PTPN2: variants seen among roughly 807,000 people sequenced by gnomAD.
PTPN2 encodes protein tyrosine phosphatase non-receptor type 2.
A neutral mutation model predicts 57.3 loss-of-function variants in PTPN2; 19 were observed. The ratio of observed to expected loss-of-function variants is 0.33; its 90% CI spans 0.23 to 0.49. The LOEUF (loss-of-function observed/expected upper bound fraction) is 0.49. Among genes scored for constraint, PTPN2 ranks in the 20% least tolerant of loss-of-function variants. The pLI, the probability that PTPN2 is intolerant of heterozygous loss-of-function variation, is 0.99. For synonymous variants in PTPN2, 153 were observed against 164.9 expected, an observed-to-expected ratio of 0.93 and a Z score of 0.55; for missense variants, 358 against 501.1, an observed-to-expected ratio of 0.71 and a Z score of 2.73.
In PTPN2 at chr18:12,807,324, G is replaced by A. The variant is rs1367253861; in HGVS notation, c.859-5173C>T. Among the ~76,000 whole-genome samples the A allele has an allele frequency of 5.3e-5, 8 of 151,548 alleles. No homozygotes were observed. In the South Asian group the frequency reaches 6.3e-4, roughly 12 times the overall value. On this transcript the variant is annotated intron_variant, in intron 7 of 8. Transcript: ENST00000309660. Reference sequence around the variant, plus strand: ...TGGAGAAAGGGGAACTCTTGTACACGGCTGGTGGAATGTAAATTAGTACAG... The same window carrying A: ...TGGAGAAAGGGGAACTCTTGTACACAGCTGGTGGAATGTAAATTAGTACAG...
At chr18:12,839,673 C>G (rs996035212) in intron 2 of PTPN2, 3 of 152,208 alleles carry the variant, frequency 2.0e-5, no homozygotes, top group Non-Finnish European at 4.4e-5. Context: ...GCAGAACTAT[C>G]AAGAACATAC....
chr18:12,855,366 A>T (rs748384033), intron 2 of PTPN2, among the ~76,000 whole-genome samples: 1 of 152,060 alleles, frequency 6.6e-6, no homozygotes, highest in African/African-American at 2.4e-5. Flanking sequence ...TATGAGATAG[A>T]AAGAGGCTGA....
At chr18:12,870,431 A>G (rs1282619175) in intron 1 of PTPN2, among the ~76,000 whole-genome samples, 1 of 38,910 alleles carries the variant, frequency 2.6e-5, no homozygotes, top group Non-Finnish European at 4.0e-5. Context: ...ATATACGTAT[A>G]TATATATGTG....
intron 5 of PTPN2, among the ~76,000 whole-genome samples, chr18:12,824,764 G>A (rs1021769972): frequency 1.6e-4 from 24 of 152,212 alleles, no homozygotes; most frequent in Admixed American, 5.9e-4. Flanking sequence ...AAGGCCCAAG[G>A]AACAGTTCAT....
At chr18:12,851,739 G>A (rs1460669971) in intron 2 of PTPN2, among the ~76,000 whole-genome samples, 1 of 152,278 alleles carries the variant, frequency 6.6e-6, no homozygotes, top group East Asian at 1.9e-4. Context: ...AAGCATAGAA[G>A]TTTTCCCTTC....
intron 8 of PTPN2, among the ~76,000 whole-genome samples, chr18:12,796,633 T>C (rs1014841524): frequency 1.3e-5 from 2 of 152,208 alleles, no homozygotes; most frequent in Non-Finnish European, 2.9e-5. Flanking sequence ...CTCCTAGATA[T>C]GTACCCAAGA....
chr18:12,786,671 T>C (rs1250403343), intron 9 of PTPN2: 3 of 152,196 alleles, frequency 2.0e-5, no homozygotes, highest in South Asian at 2.1e-4. Flanking sequence ...TAAGTACTTG[T>C]CAGTATTGTA....
At chr18:12,806,517 G>A (rs1430582121) in intron 7 of PTPN2, among the ~76,000 whole-genome samples, 1 of 151,930 alleles carries the variant, frequency 6.6e-6, no homozygotes, top group Admixed American at 6.6e-5. Context: ...AAAAAGCTGG[G>A]GGCATCACAC....
chr18:12,824,923 TA>T (rs200238933), intron 5 of PTPN2, among the ~76,000 whole-genome samples: 3 of 151,430 alleles, frequency 2.0e-5, no homozygotes, highest in South Asian at 2.1e-4. Context: ...CCATCTCTAT[TA>T]AAAAAAAATA....
chr18:12,808,220 C>T (rs1421332130), intron 7 of PTPN2, among the ~76,000 whole-genome samples: 1 of 152,034 alleles, frequency 6.6e-6, no homozygotes, highest in African/African-American at 2.4e-5. Context: ...ATTTTATATA[C>T]ACATAAAATC....
intron 1 of PTPN2, among the ~76,000 whole-genome samples, chr18:12,861,245 T>G (rs2043799158): frequency 6.6e-6 from 1 of 152,244 alleles, no homozygotes; most frequent in African/African-American, 2.4e-5. Context: ...TTGCAAGATA[T>G]AAGACACTGT....
intron 5 of PTPN2, chr18:12,819,114 C>A (rs1457714768): frequency 5.5e-5 from 24 of 435,178 alleles, no homozygotes; most frequent in South Asian, 1.1e-4. Context: ...AAAAAAAATC[C>A]ATTTTGCAGT....
chr18:12,812,883 GA>G (rs994171796), intron 7 of PTPN2, among the ~76,000 whole-genome samples: 1 of 151,370 alleles, frequency 6.6e-6, no homozygotes, highest in Admixed American at 6.6e-5. Context: ...TAAATTAACA[GA>G]AAAAAAATCC....
intron 2 of PTPN2, among the ~76,000 whole-genome samples, chr18:12,842,086 A>G (rs1227174282): frequency 6.6e-6 from 1 of 152,124 alleles, no homozygotes; most frequent in African/African-American, 2.4e-5. Context: ...TTGTATTTTT[A>G]GCAGAGACGG....
At chr18:12,853,905 C>T (rs765208475) in intron 2 of PTPN2, among the ~76,000 whole-genome samples, 3 of 152,066 alleles carry the variant, frequency 2.0e-5, no homozygotes, top group Non-Finnish European at 4.4e-5. Context: ...GGAAAACACA[C>T]TTGCATTATA....
chr18:12,857,804 C>A lies in PTPN2; in HGVS notation c.160+1360G>T, dbSNP rs1017426908. Among the ~76,000 whole-genome samples, 4 of 152,250 alleles carry A rather than the reference C, an allele frequency of 2.6e-5. No individual in the cohort carries two copies. The East Asian group carries it at 5.8e-4, about 22-fold the overall frequency. On this transcript the variant is annotated intron_variant, in intron 2 of 8. Transcript: ENST00000309660. ...TGCAACTGAAGAAAATGGAAAACCA[C>A]TCTTCTAGCTACTTGTCTTTAAGAA... is the stretch of plus-strand genomic sequence containing the variant.
chr18:12,876,961 A>T (rs1009620888), intron 1 of PTPN2, among the ~76,000 whole-genome samples: 1 of 152,228 alleles, frequency 6.6e-6, no homozygotes, highest in African/African-American at 2.4e-5. Context: ...AGAAAGCACT[A>T]CAGGTAGTCA....
chr18:12,859,031 G>T, intron 2 of PTPN2, 133 bp downstream of exon 2: 1 of 550,030 alleles, frequency 1.8e-6, no homozygotes, highest in South Asian at 3.1e-5. Flanking sequence ...AATTCTTAAA[G>T]AACGTGTCTT....
intron 8 of PTPN2, among the ~76,000 whole-genome samples, chr18:12,795,492 A>G (rs547957994): frequency 8.6e-4 from 130 of 151,998 alleles, no homozygotes; most frequent in Non-Finnish European, 8.4e-4. Flanking sequence ...ATGATGTTTC[A>G]CCATGTTAGC....
Sources: gnomAD v4.1 joint callset for allele counts (sites outside exome capture counted in the v4.1 genomes callset) on GRCh38, gnomAD v4.1.1 for gene constraint, MANE v1.5 for transcripts, NCBI Gene and HGNC (gene_info 2026-07-23, HGNC 2026-07-21) for gene names.